NUBPL: variants seen among roughly 807,000 people sequenced by gnomAD.
NUBPL encodes iron-sulfur cluster transfer protein NUBPL.
In NUBPL, 31 loss-of-function variants were observed where a neutral mutation model predicts 45.7. The observed-to-expected ratio is 0.68, with a 90% CI of 0.51 to 0.92. NUBPL has a LOEUF of 0.92. Among genes scored for constraint, NUBPL ranks in the 40% least tolerant of loss-of-function variants. The probability of loss-of-function intolerance (pLI) is 0.00; values close to 1 mark genes in which losing one functional copy is unlikely to be tolerated. For synonymous variants in NUBPL, 144 were observed against 140.9 expected (o/e 1.02, Z -0.15); for missense variants, 401 against 398.7 (o/e 1.01, Z -0.05).
chr14:31,616,366 A>G (rs562124738), intron 4 of NUBPL, among the ~76,000 whole-genome samples: 12 of 152,194 alleles, frequency 7.9e-5, no homozygotes, highest in African/African-American at 2.9e-4. Context: ...CCTGAATGGT[A>G]TTGCCTAGGT....
chr14:31,747,373 G>A (rs1337377640), intron 6 of NUBPL, among the ~76,000 whole-genome samples: 1 of 152,070 alleles, frequency 6.6e-6, no homozygotes, highest in Non-Finnish European at 1.5e-5. Context: ...TCCTGACCTT[G>A]TGGTCCACCC....
intron 8 of NUBPL, among the ~76,000 whole-genome samples, chr14:31,841,892 C>G (rs1427486358): frequency 1.0e-5 from 1 of 95,452 alleles, no homozygotes; most frequent in Non-Finnish European, 2.0e-5. Flanking sequence ...AACTTAGTGA[C>G]TTTCATGTAT....
rs570694714 is a variant in NUBPL, at chr14:31,586,262, C to T, written c.292-13027C>T. The stretch of plus-strand genomic sequence containing the variant: ...CGATATATTAATACATATTTATTTA[C>T]ATAGAAGGAAGAATGTGGCAAGTGC... On this transcript the variant is annotated intron_variant, in intron 3 of 10. Coordinates refer to ENST00000281081, the MANE Select transcript of NUBPL (RefSeq NM_025152.3). Among the ~76,000 whole-genome samples the T allele has an allele frequency of 1.9e-4, 29 of 152,210 alleles. 1 individual carries two copies. The South Asian group carries it at 4.4e-3, about 23-fold the overall frequency.
intron 6 of NUBPL, among the ~76,000 whole-genome samples, chr14:31,731,985 G>A (rs529570513): frequency 1.1e-3 from 165 of 151,912 alleles, no homozygotes; most frequent in Non-Finnish European, 1.9e-3. Flanking sequence ...GGCGGATCAC[G>A]AGGTCAGGAG....
intron 4 of NUBPL, among the ~76,000 whole-genome samples, chr14:31,628,929 A>T (rs566931866): frequency 1.3e-5 from 2 of 152,198 alleles, no homozygotes; most frequent in Admixed American, 6.5e-5. Context: ...TATGATGACT[A>T]TAAGTACAGT....
chr14:31,571,920 A>G (rs1179214372), intron 3 of NUBPL, among the ~76,000 whole-genome samples: 2 of 152,190 alleles, frequency 1.3e-5, no homozygotes, highest in Non-Finnish European at 2.9e-5. Flanking sequence ...TTTAATCTTC[A>G]TGACATGGTT....
chr14:31,595,131 G>T (rs541545834), intron 3 of NUBPL, among the ~76,000 whole-genome samples: 1 of 152,178 alleles, frequency 6.6e-6, no homozygotes, highest in South Asian at 2.1e-4. Context: ...AGACGTGTAG[G>T]CTCTCAAATT....
intron 4 of NUBPL, chr14:31,668,019 G>A (rs1165720605): frequency 6.5e-6 from 1 of 152,950 alleles, no homozygotes; most frequent in African/African-American, 2.4e-5. Context: ...TCCCAGTCAC[G>A]AGGCACAGGT....
intron 4 of NUBPL, among the ~76,000 whole-genome samples, chr14:31,664,623 T>A (rs1215686826): frequency 6.6e-6 from 1 of 152,218 alleles, no homozygotes; most frequent in Non-Finnish European, 1.5e-5. Context: ...GATGTGCTGC[T>A]GGATTTGGTG....
chr14:31,581,312 A>C (rs1354918607), intron 3 of NUBPL, among the ~76,000 whole-genome samples: 2 of 150,224 alleles, frequency 1.3e-5, no homozygotes, highest in Non-Finnish European at 2.9e-5. Context: ...AACGTTGTGT[A>C]ACCATCCTCA....
intron 8 of NUBPL, among the ~76,000 whole-genome samples, chr14:31,840,280 AAG>A (rs1352923803): frequency 1.3e-5 from 2 of 152,270 alleles, no homozygotes; most frequent in African/African-American, 2.4e-5. Context: ...GGCCTTTAAA[AAG>A]AGAGAAATTG....
intron 4 of NUBPL, among the ~76,000 whole-genome samples, chr14:31,606,220 A>G (rs1176689201): frequency 2.0e-5 from 3 of 150,844 alleles, no homozygotes; most frequent in Admixed American, 1.3e-4. Flanking sequence ...CAGCCTCCCA[A>G]GTAGCTGGGA....
chr14:31,712,432 G>A (rs1033814777), intron 6 of NUBPL, among the ~76,000 whole-genome samples: 3 of 152,198 alleles, frequency 2.0e-5, no homozygotes, highest in African/African-American at 7.2e-5. Flanking sequence ...CGCCCAGTGC[G>A]GGGCCTGTGG....
At chr14:31,766,896 T>C (rs1356667881) in intron 6 of NUBPL, among the ~76,000 whole-genome samples, 1 of 152,110 alleles carries the variant, frequency 6.6e-6, no homozygotes, top group Non-Finnish European at 1.5e-5. Context: ...GATTATTTTA[T>C]GTGGTACTGA....
chr14:31,633,299 A>G (rs1430752769), intron 4 of NUBPL, among the ~76,000 whole-genome samples: 1 of 152,250 alleles, frequency 6.6e-6, no homozygotes, highest in Non-Finnish European at 1.5e-5. Context: ...GTTACCACAC[A>G]TAACCACAGA....
chr14:31,842,583 T>G (rs2040393978), intron 8 of NUBPL, among the ~76,000 whole-genome samples: 1 of 152,076 alleles, frequency 6.6e-6, no homozygotes, highest in Admixed American at 6.5e-5. Context: ...GCTCAAGCAA[T>G]TCTCCCACTT....
intron 6 of NUBPL, among the ~76,000 whole-genome samples, chr14:31,685,989 TA>T (rs1328592201): frequency 6.6e-6 from 1 of 152,194 alleles, no homozygotes; most frequent in African/African-American, 2.4e-5. Flanking sequence ...CTGGTGGGTC[TA>T]AAATCAGGCT....
At chr14:31,801,573 A>C (rs2039591111) in intron 7 of NUBPL, among the ~76,000 whole-genome samples, 1 of 152,230 alleles carries the variant, frequency 6.6e-6, no homozygotes. Flanking sequence ...TTAAACCTAC[A>C]AACAGAATAT....
At chr14:31,662,338 C>T (rs1364677291) in intron 4 of NUBPL, among the ~76,000 whole-genome samples, 3 of 151,530 alleles carry the variant, frequency 2.0e-5, no homozygotes, top group Non-Finnish European at 2.9e-5. Context: ...CTGAGATACA[C>T]GTGCAGAATG....
Sources: gnomAD v4.1 joint callset for allele counts (sites outside exome capture counted in the v4.1 genomes callset) on GRCh38, gnomAD v4.1.1 for gene constraint, MANE v1.5 for transcripts, NCBI Gene and HGNC (gene_info 2026-07-23, HGNC 2026-07-21) for gene names.